The following TPO variants were observed in gnomAD, a reference collection of about 807,000 sequenced individuals.
TPO encodes the protein thyroid microsomal antigen.
In TPO, 78 loss-of-function variants were observed where a neutral mutation model predicts 96.9. That is an observed-to-expected ratio of 0.81 (90% CI 0.67 to 0.97). The LOEUF (loss-of-function observed/expected upper bound fraction) is 0.97. Ranked by LOEUF, TPO falls within the 50% of genes least tolerant of loss-of-function variation. The pLI, the probability that TPO is intolerant of heterozygous loss-of-function variation, is 0.00. For missense variants in TPO, 1,252 were observed against 1,274.8 expected, an observed-to-expected ratio of 0.98 and a Z score of 0.27; for synonymous variants, 547 against 538.0, an observed-to-expected ratio of 1.02 and a Z score of -0.23.
intron 7 of TPO, among the ~76,000 whole-genome samples, chr2:1,476,208 T>TTCGGAA (rs1191419641): frequency 6.6e-6 from 1 of 152,150 alleles, no homozygotes; most frequent in African/African-American, 2.4e-5. Flanking sequence ...AAGAGTCTCT[T>TTCGGAA]TCGGAATCTG....
chr2:1,494,763 C>A (rs547681355), intron 11 of TPO, among the ~76,000 whole-genome samples: 1 of 152,334 alleles, frequency 6.6e-6, no homozygotes, highest in Admixed American at 6.5e-5. Context: ...CTATCCAATT[C>A]TCTCTCTATT....
intron 14 of TPO, among the ~76,000 whole-genome samples, chr2:1,506,098 C>T (rs2125016050): frequency 6.6e-6 from 1 of 151,982 alleles, no homozygotes; most frequent in South Asian, 2.1e-4. Context: ...CATGTGTTCT[C>T]ATTGTTCAAT....
chr2:1,411,441 G>T (rs528601971), upstream of TPO, among the ~76,000 whole-genome samples: 2 of 152,232 alleles, frequency 1.3e-5, no homozygotes, highest in African/African-American at 4.8e-5. Flanking sequence ...GCGTCCTTCT[G>T]TGATGAAAAG....
chr2:1,380,107 T>C (rs1285567348), intron 1 of TPO, among the ~76,000 whole-genome samples: 1 of 152,168 alleles, frequency 6.6e-6, no homozygotes, highest in Non-Finnish European at 1.5e-5. Flanking sequence ...GAAAATCTAA[T>C]TTATTGGCCA....
intron 11 of TPO, among the ~76,000 whole-genome samples, 184 bp downstream of exon 11, chr2:1,494,223 A>G (rs1558360235): frequency 6.6e-6 from 1 of 152,256 alleles, no homozygotes; most frequent in East Asian, 1.9e-4. Flanking sequence ...TTTTATAACA[A>G]TGAAGCAACT....
At chr2:1,390,807 T>G (rs1455409191) in intron 1 of TPO, among the ~76,000 whole-genome samples, 1 of 152,242 alleles carries the variant, frequency 6.6e-6, no homozygotes, top group Admixed American at 6.5e-5. Context: ...TCTTTTCATG[T>G]GTCTGTTGGC....
chr2:1,421,297 G>A (rs1481888736), intron 2 of TPO, among the ~76,000 whole-genome samples: 1 of 152,188 alleles, frequency 6.6e-6, no homozygotes, highest in Non-Finnish European at 1.5e-5. Flanking sequence ...CCTCAGCCCA[G>A]AGCCGTGCAA....
chr2:1,477,224 T>C lies in TPO; in HGVS notation c.958T>C (p.Leu320=), dbSNP rs530037227. 9 of 1,609,540 alleles carry C rather than the reference T, an allele frequency of 5.6e-6. No homozygotes were observed. In the East Asian group the frequency reaches 1.3e-4, roughly 24 times the overall value. The change falls in exon 8 of 17, where the codon TTG becomes CTG. Residue 320 remains leucine (L), a synonymous_variant. Transcript: ENST00000329066. ...TANPRQQMNG[L]TSFLDASTVY... The stretch of plus-strand genomic sequence containing the variant: ...CAACCCGCGGCAGCAGATGAACGGG[T>C]TGACCTCGTTCCTGGACGCGTCCAC...
chr2:1,475,935 C>T (rs1669885814), intron 7 of TPO, among the ~76,000 whole-genome samples: 1 of 151,162 alleles, frequency 6.6e-6, no homozygotes, highest in East Asian at 2.0e-4. Context: ...AAGGCCGACT[C>T]CCTCTCACCT....
chr2:1,486,236 C>T (rs1671150561), intron 9 of TPO, among the ~76,000 whole-genome samples: 1 of 152,150 alleles, frequency 6.6e-6, no homozygotes. Flanking sequence ...AAAGGCTAAA[C>T]TGGGCTCAGG....
At chr2:1,418,498 C>T (rs1232750290) in intron 2 of TPO, among the ~76,000 whole-genome samples, 1 of 152,080 alleles carries the variant, frequency 6.6e-6, no homozygotes, top group Non-Finnish European at 1.5e-5. Context: ...AACTTCAGCA[C>T]CTGAAAATTC....
intron 11 of TPO, among the ~76,000 whole-genome samples, chr2:1,494,578 C>G (rs1263977907): frequency 6.6e-6 from 1 of 151,816 alleles, no homozygotes; most frequent in Non-Finnish European, 1.5e-5. Flanking sequence ...CAAGTTCAAC[C>G]TAGAATTTGG....
chr2:1,472,774 C>CTGG (rs1223616124), intron 7 of TPO, among the ~76,000 whole-genome samples: 1 of 144,200 alleles, frequency 6.9e-6, no homozygotes, highest in African/African-American at 2.6e-5. Context: ...CATTCGCCAT[C>CTGG]CACACTGGCA....
At chr2:1,505,745 T>A (rs1191543631) in intron 14 of TPO, among the ~76,000 whole-genome samples, 2 of 151,692 alleles carry the variant, frequency 1.3e-5, no homozygotes, top group South Asian at 4.2e-4. Context: ...CCTCCACCCC[T>A]CAACAGGCCC....
intron 1 of TPO, among the ~76,000 whole-genome samples, chr2:1,394,679 G>A (rs1662052135): frequency 1.3e-5 from 2 of 152,214 alleles, no homozygotes; most frequent in South Asian, 4.1e-4. Context: ...CTGGACGCAT[G>A]GACCGAGCGT....
At chr2:1,505,362 CACCCCCGTGTCAGGCACA>C (rs1673310514) in intron 14 of TPO, among the ~76,000 whole-genome samples, 3 of 148,788 alleles carry the variant, frequency 2.0e-5, no homozygotes, top group Admixed American at 1.3e-4. Context: ...CACACACCCC[CACCCCCGTGTCAGGCACA>C]CCCCACCAGC....
At chr2:1,393,910 A>C (rs1216652678) in intron 1 of TPO, among the ~76,000 whole-genome samples, 2 of 152,190 alleles carry the variant, frequency 1.3e-5, no homozygotes, top group Non-Finnish European at 2.9e-5. Context: ...GCTACTATTT[A>C]TTTCAATATT....
At chr2:1,386,752 T>C (rs1661901139) in intron 1 of TPO, among the ~76,000 whole-genome samples, 1 of 152,192 alleles carries the variant, frequency 6.6e-6, no homozygotes, top group Non-Finnish European at 1.5e-5. Flanking sequence ...GATCCTGTCA[T>C]TATGATGTTA....
At chr2:1,437,835 TGG>T (rs28909391) in intron 5 of TPO, among the ~76,000 whole-genome samples, 1 of 103,076 alleles carries the variant, frequency 9.7e-6, no homozygotes, top group African/African-American at 2.7e-5. Flanking sequence ...CCCTGAAGCC[TGG>T]GGGGGGGTCT....
Sources: allele counts gnomAD v4.1 joint callset (sites outside exome capture counted in the v4.1 genomes callset), GRCh38; gene constraint gnomAD v4.1.1; transcripts MANE v1.5; gene names NCBI Gene and HGNC (gene_info 2026-07-23, HGNC 2026-07-21).